SLC6A2: variants seen among roughly 807,000 people sequenced by gnomAD.
The protein encoded by SLC6A2 is sodium-dependent noradrenaline transporter.
SLC6A2 carries 26 observed loss-of-function variants against 71.7 expected under a neutral mutation model. The observed-to-expected ratio is 0.36, with a 90% CI of 0.27 to 0.50. SLC6A2 has a LOEUF of 0.50. SLC6A2 is among the 20% of genes least tolerant of loss of function. The pLI, the probability that SLC6A2 is intolerant of heterozygous loss-of-function variation, is 0.96. For missense variants in SLC6A2, 581 were observed against 803.9 expected, an observed-to-expected ratio of 0.72 and a Z score of 3.35; for synonymous variants, 363 against 337.9, an observed-to-expected ratio of 1.07 and a Z score of -0.82.
In SLC6A2 at chr16:55,705,134, TA is replaced by T; in HGVS notation, c.*2792del. On this transcript the variant is annotated 3_prime_UTR_variant, in exon 15 of 15. Transcript: ENST00000568943. ...AAGAATTATTATTTTTCATGAAATG[TA>T]AAATATCAGTTTGAGAACATCACAT... 9.7e-7 allele frequency: 1 copy of T among 1,031,538 alleles called. No homozygotes were observed. The highest frequency in any genetic ancestry group is 1.4e-6 in the Non-Finnish European group (1 of 698,882). 63.9% of individuals were successfully genotyped at this position (1,031,538 alleles called of 1,614,324 possible).
At chr16:55,678,469 G>A (rs1194514195) in intron 4 of SLC6A2, among the ~76,000 whole-genome samples, 1 of 152,062 alleles carries the variant, frequency 6.6e-6, no homozygotes, top group African/African-American at 2.4e-5. Flanking sequence ...GGCCAATTTT[G>A]TTACCATCCT....
At chr16:55,686,697 G>C (rs1409442519) in intron 5 of SLC6A2, among the ~76,000 whole-genome samples, 2 of 152,168 alleles carry the variant, frequency 1.3e-5, no homozygotes, top group African/African-American at 4.8e-5. Flanking sequence ...AGCCAGTAGA[G>C]ATGAAATCCA....
intron 5 of SLC6A2, among the ~76,000 whole-genome samples, chr16:55,686,695 G>A (rs1368720605): frequency 1.3e-5 from 2 of 152,182 alleles, no homozygotes; most frequent in Non-Finnish European, 2.9e-5. Context: ...GCAGCCAGTA[G>A]AGATGAAATC....
chr16:55,696,141 A>G lies in SLC6A2; in HGVS notation c.1148-84A>G. On this transcript the variant is annotated intron_variant, in intron 8 of 14. Transcript: ENST00000568943. ...CTGTCCGCCCACACATGACCGAACA[A>G]TTGGGCCCCCAGATACTCCCCTATC... is the stretch of plus-strand genomic sequence containing the variant. 4.7e-6 allele frequency: 4 copies of G among 851,172 alleles called. 1 individual carries two copies. Among genetic ancestry groups the G allele is most frequent in the South Asian group, 4.0e-5 (3 of 75,212 alleles). 52.7% of individuals were successfully genotyped at this position (851,172 alleles called of 1,614,324 possible).
At chr16:55,658,174 A>T (rs1465348250) in intron 2 of SLC6A2, among the ~76,000 whole-genome samples, 1 of 151,916 alleles carries the variant, frequency 6.6e-6, no homozygotes, top group African/African-American at 2.4e-5. Context: ...TTCTATGTGT[A>T]CTCTGGACAC....
intron 2 of SLC6A2, among the ~76,000 whole-genome samples, chr16:55,668,582 G>A (rs1964817035): frequency 6.6e-6 from 1 of 152,100 alleles, no homozygotes; most frequent in South Asian, 2.1e-4. Context: ...GTTGCTTTGG[G>A]CACACTTGCA....
Position 55,685,205 on chromosome 16 carries a change from A to C in SLC6A2, c.707A>C (p.Gln236Pro). ...CATGACATCGGCCTGCCCCAGTGGC[A>C]GCTCTTGCTCTGTCTGATGGTCGTC... is the stretch of plus-strand genomic sequence containing the variant. ...GIHDIGLPQW[Q>P]LLLCLMVVVI... The change falls in exon 5 of 15, where the codon CAG (glutamine) becomes CCG (proline). Residue 236 changes from glutamine (Q) to proline (P), a missense_variant. Gln to Pro is a moderately conservative substitution (Grantham distance 76). Transcript: ENST00000568943. 1 of 1,614,024 alleles carries C rather than the reference A, an allele frequency of 6.2e-7. No homozygotes were observed. Among genetic ancestry groups the C allele is most frequent in the East Asian group, 2.2e-5 (1 of 44,874 alleles).
chr16:55,677,449 G>A (rs1049101509), intron 4 of SLC6A2, among the ~76,000 whole-genome samples: 4 of 152,054 alleles, frequency 2.6e-5, no homozygotes, highest in East Asian at 3.9e-4. Flanking sequence ...TGATTCCTCC[G>A]CTGATGTCTT....
At chr16:55,695,581 A>G (rs1965772165) in intron 8 of SLC6A2, among the ~76,000 whole-genome samples, 179 bp downstream of exon 8, 1 of 152,200 alleles carries the variant, frequency 6.6e-6, no homozygotes, top group Non-Finnish European at 1.5e-5. Flanking sequence ...CCAGGCAGTC[A>G]CAGTCCCCAT....
At chr16:55,671,719 G>A in intron 3 of SLC6A2, 2 of 900,538 alleles carry the variant, frequency 2.2e-6, no homozygotes, top group Non-Finnish European at 3.3e-6. Context: ...ATGACCTGAG[G>A]TGGAACGGTT....
chr16:55,694,736 G>A (rs1965741986), intron 7 of SLC6A2, among the ~76,000 whole-genome samples: 1 of 152,190 alleles, frequency 6.6e-6, no homozygotes, highest in Non-Finnish European at 1.5e-5. Flanking sequence ...TCAGCCCCCT[G>A]ATAGAAGACA....
At chr16:55,676,432 C>G (rs1475905121) in intron 4 of SLC6A2, among the ~76,000 whole-genome samples, 3 of 152,204 alleles carry the variant, frequency 2.0e-5, no homozygotes, top group African/African-American at 7.2e-5. Flanking sequence ...TGAGACAATA[C>G]AGTCCACAAC....
chr16:55,669,096 T>C (rs1215381277), intron 2 of SLC6A2, among the ~76,000 whole-genome samples: 1 of 152,140 alleles, frequency 6.6e-6, no homozygotes, highest in African/African-American at 2.4e-5. Context: ...AATTAGAAAC[T>C]CCGTCATGTA....
rs1233214122 is a variant in SLC6A2 at position 55,656,598 on chromosome 16, G to A, written c.-51-46G>A. ...CGGGTGGTCTTGGGAGTTGCAAGTA[G>A]GGAGGAACGGCCGGGTAACCACCTC... On this transcript the variant is annotated intron_variant, in intron 1 of 14. Transcript: ENST00000568943. This position sits in a 1 kb window ranked among gnomAD's most constrained non-coding sequence, Gnocchi z 4.5. 2.0e-6 allele frequency: 3 copies of A among 1,512,698 alleles called. No homozygotes were observed. The highest frequency in any genetic ancestry group is 2.7e-6 in the Non-Finnish European group (3 of 1,096,712). 93.7% of individuals were successfully genotyped at this position (1,512,698 alleles called of 1,614,324 possible). A position where few individuals can be genotyped will look rare whatever the true frequency, so the allele number is the denominator to read the frequency against.
chr16:55,661,346 C>T (rs1378332672), intron 2 of SLC6A2, among the ~76,000 whole-genome samples: 1 of 152,136 alleles, frequency 6.6e-6, no homozygotes, highest in Non-Finnish European at 1.5e-5. Flanking sequence ...AGAAAGGTAA[C>T]GATAGACAAA....
At chr16:55,685,003 G>C in intron 4 of SLC6A2, 140 bp from the exon 5 acceptor site, 1 of 805,544 alleles carries the variant, frequency 1.2e-6, no homozygotes, top group South Asian at 1.5e-5. Context: ...CATGGCAGTG[G>C]CTAGGGTCCC....
chr16:55,694,845 G>A (rs1191890072), intron 7 of SLC6A2, among the ~76,000 whole-genome samples: 23 of 152,122 alleles, frequency 1.5e-4, no homozygotes, highest in Admixed American at 2.6e-4. Context: ...GGGGAGAAGC[G>A]GGACAACACA....
chr16:55,683,999 G>T (rs559119405), intron 4 of SLC6A2, among the ~76,000 whole-genome samples: 1 of 152,194 alleles, frequency 6.6e-6, no homozygotes, highest in Non-Finnish European at 1.5e-5. Context: ...GGTAATTGCT[G>T]TATAATACTC....
intron 5 of SLC6A2, among the ~76,000 whole-genome samples, chr16:55,690,262 T>G (rs1393170190): frequency 6.6e-6 from 1 of 152,208 alleles, no homozygotes; most frequent in East Asian, 1.9e-4. Flanking sequence ...ATTCTGGGGA[T>G]TCAGGTTTGA....
Sources: gnomAD v4.1 joint callset for allele counts (sites outside exome capture counted in the v4.1 genomes callset) on GRCh38, gnomAD v4.1.1 for gene constraint, Gnocchi (gnomAD v3.1) non-coding constraint, MANE v1.5 for transcripts, NCBI Gene and HGNC (gene_info 2026-07-23, HGNC 2026-07-21) for gene names.